SHANK2: variants seen among roughly 807,000 people sequenced by gnomAD.
The protein encoded by SHANK2 is SH3 and multiple ankyrin repeat domains 2.
SHANK2 carries 43 observed loss-of-function variants against 133.7 expected under a neutral mutation model. The ratio of observed to expected loss-of-function variants is 0.32; its 90% CI spans 0.25 to 0.41. SHANK2 has a LOEUF of 0.41. Ranked by LOEUF, SHANK2 falls within the 10% of genes least tolerant of loss-of-function variation. SHANK2 has a pLI of 1.00. For synonymous variants in SHANK2, 1,017 were observed against 952.8 expected, an observed-to-expected ratio of 1.07 and a Z score of -1.24; for missense variants, 1,994 against 2,235.8, an observed-to-expected ratio of 0.89 and a Z score of 2.18.
chr11:71,155,657 C>A (rs1400549238), intron 2 of SHANK2, among the ~76,000 whole-genome samples: 1 of 97,780 alleles, frequency 1.0e-5, no homozygotes, highest in African/African-American at 5.7e-5. Flanking sequence ...AGCTGTCCCC[C>A]AAACCCGCCC....
At chr11:70,616,800 C>T (rs1345045983) in intron 17 of SHANK2, among the ~76,000 whole-genome samples, 1 of 152,160 alleles carries the variant, frequency 6.6e-6, no homozygotes, top group African/African-American at 2.4e-5. Context: ...CAGGCTGGCT[C>T]CTGACCAGTC....
rs149607952 is a variant in SHANK2 at position 70,913,774 on chromosome 11, G to A, written c.1108-17207C>T. On this transcript the variant is annotated intron_variant, in intron 10 of 25. Transcript: ENST00000601538. ...AAGGCATCCTCTCCAGAGACGAGGA[G>A]CAGCAGGCATTAGGACCCTACATGG... is the stretch of plus-strand genomic sequence containing the variant. Among the ~76,000 whole-genome samples the A allele has an allele frequency of 3.1e-3, 477 of 152,270 alleles. 6 individuals are homozygous for A. Among genetic ancestry groups the A allele is most frequent in the African/African-American group, 0.011 (464 of 41,552 alleles).
intron 11 of SHANK2, among the ~76,000 whole-genome samples, chr11:70,873,983 T>C (rs1949513784): frequency 2.0e-5 from 3 of 152,142 alleles, no homozygotes; most frequent in African/African-American, 7.2e-5. Context: ...AGCATCCCAA[T>C]GCAAAGTACA....
rs782438264 is a variant in SHANK2 at position 70,487,417 on chromosome 11, T to C, written c.2876A>G (p.Tyr959Cys). Residue 959 changes from tyrosine to cysteine, a missense_variant, in exon 25 of 26, where the codon TAC (tyrosine) becomes TGC (cysteine). Around this residue, in one of 5 missense-constraint regions of SHANK2, gnomAD observed 488 missense variants for 642.6 expected, o/e 0.76. Coordinates refer to ENST00000601538, the MANE Select transcript of SHANK2 (RefSeq NM_012309.5). The surrounding 1 kb of genome is among the most constrained non-coding windows in gnomAD (Gnocchi z 5.8). Reference protein sequence around the residue: ...GMYFRRELDRYSLDSEDLYSR... With the variant: ...GMYFRRELDRCSLDSEDLYSR... ...GTAGAGGTCTTCAGAGTCCAAGGAGTAGCGGTCCAGCTCTCTCCTGAAGTA... is the reference window on the plus strand; with the variant it reads ...GTAGAGGTCTTCAGAGTCCAAGGAGCAGCGGTCCAGCTCTCTCCTGAAGTA... 5.6e-6 allele frequency: 9 copies of C among 1,613,796 alleles called. No individual in the cohort carries two copies. The highest frequency in any genetic ancestry group is 7.6e-6 in the Non-Finnish European group (9 of 1,179,952).
intron 15 of SHANK2, among the ~76,000 whole-genome samples, chr11:70,688,981 T>A (rs550707282): frequency 6.6e-6 from 1 of 152,202 alleles, no homozygotes. Flanking sequence ...GAACTTCTGG[T>A]GGGAGTGGGG....
At chr11:70,742,230 TTCC>T (rs1469345840) in intron 14 of SHANK2, among the ~76,000 whole-genome samples, 4 of 152,110 alleles carry the variant, frequency 2.6e-5, no homozygotes, top group Admixed American at 2.6e-4. Context: ...GCAAAGCCCC[TTCC>T]TCCTCCTTCT....
chr11:70,498,403 G>A (rs2059003616), intron 21 of SHANK2, among the ~76,000 whole-genome samples: 5 of 152,202 alleles, frequency 3.3e-5, no homozygotes, highest in Admixed American at 3.3e-4. Context: ...TGGTGGACTG[G>A]TCCTGGCCTG....
In SHANK2 at chr11:71,223,202, G is replaced by A. The variant is rs142410646; in HGVS notation, c.-13+1495C>T. 6.2e-3 allele frequency among the ~76,000 whole-genome samples: 945 copies of A among 152,282 alleles called. 9 individuals are homozygous for A. The highest frequency in any genetic ancestry group is 0.022 in the African/African-American group (915 of 41,576). ...CAGGCAGGTGAGGCCGCCCAACTGCGATGGTGGCCAGGACCAGGGTAGTCC... is the reference window on the plus strand; with the variant it reads ...CAGGCAGGTGAGGCCGCCCAACTGCAATGGTGGCCAGGACCAGGGTAGTCC... On this transcript the variant is annotated intron_variant, in intron 2 of 25. Coordinates refer to ENST00000601538, the MANE Select transcript of SHANK2 (RefSeq NM_012309.5).
chr11:70,560,746 C>T (rs1160566228), intron 17 of SHANK2, among the ~76,000 whole-genome samples: 2 of 151,986 alleles, frequency 1.3e-5, no homozygotes, highest in Non-Finnish European at 2.9e-5. Flanking sequence ...ATTCTCCTGC[C>T]TCAGCCTCCT....
At chr11:70,755,048 T>C (rs1322986328) in intron 14 of SHANK2, among the ~76,000 whole-genome samples, 1 of 152,118 alleles carries the variant, frequency 6.6e-6, no homozygotes, top group Non-Finnish European at 1.5e-5. Flanking sequence ...GCACAATTCC[T>C]ATGTATGAAA....
intron 17 of SHANK2, among the ~76,000 whole-genome samples, chr11:70,615,691 C>T (rs1281103413): frequency 2.6e-5 from 4 of 152,194 alleles, no homozygotes; most frequent in African/African-American, 9.6e-5. Context: ...GCTGGCTCAC[C>T]AGGCTAGGAC....
intron 17 of SHANK2, chr11:70,603,482 A>T (rs10899233): frequency 0.45 from 67,792 of 152,106 alleles, 16,730 homozygotes; most frequent in Non-Finnish European, 0.57. Flanking sequence ...CCACAGCTGC[A>T]GTAAACCCAG....
intron 2 of SHANK2, among the ~76,000 whole-genome samples, chr11:71,217,799 A>G (rs1156472187): frequency 6.6e-6 from 1 of 152,270 alleles, no homozygotes; most frequent in African/African-American, 2.4e-5. Context: ...AAATGTTTGT[A>G]TAGCTGACAA....
At chr11:70,868,349 T>C (rs1555069504) in intron 11 of SHANK2, among the ~76,000 whole-genome samples, 1 of 152,190 alleles carries the variant, frequency 6.6e-6, no homozygotes, top group African/African-American at 2.4e-5. Context: ...CTGGTCAAGC[T>C]GGATAAACTC....
At chr11:71,107,660 G>A (rs1026723181) in intron 6 of SHANK2, among the ~76,000 whole-genome samples, 1 of 152,192 alleles carries the variant, frequency 6.6e-6, no homozygotes, top group African/African-American at 2.4e-5. Flanking sequence ...GCCTAATCCA[G>A]GATTTGAGTG....
At chr11:71,057,623 C>A (rs1489064515) in intron 9 of SHANK2, among the ~76,000 whole-genome samples, 1 of 152,038 alleles carries the variant, frequency 6.6e-6, no homozygotes, top group Admixed American at 6.6e-5. Context: ...AATCTTGGCT[C>A]GCTGCAACCT....
chr11:71,133,926 AT>A (rs782273886), intron 3 of SHANK2, among the ~76,000 whole-genome samples: 228 of 143,952 alleles, frequency 1.6e-3, no homozygotes, highest in Admixed American at 2.4e-3. Flanking sequence ...AAAACTATGT[AT>A]TTTTTTTTTT....
chr11:70,667,756 G>A (rs1430367617), intron 15 of SHANK2: 1 of 152,236 alleles, frequency 6.6e-6, no homozygotes, highest in African/African-American at 2.4e-5. Flanking sequence ...CAGACGTATG[G>A]GCCTGAGGGG....
chr11:71,123,065 C>T (rs1304637580), intron 3 of SHANK2, among the ~76,000 whole-genome samples: 2 of 152,166 alleles, frequency 1.3e-5, no homozygotes, highest in Non-Finnish European at 2.9e-5. Flanking sequence ...TCCCCTCCCT[C>T]CATACGTGAT....
Sources: allele counts gnomAD v4.1 joint callset (sites outside exome capture counted in the v4.1 genomes callset), GRCh38; gene constraint gnomAD v4.1.1; regional missense constraint gnomAD v4.1.1; non-coding constraint Gnocchi (gnomAD v3.1); transcripts MANE v1.5; gene names NCBI Gene and HGNC (gene_info 2026-07-23, HGNC 2026-07-21).